TMEM108: variants seen among roughly 807,000 people sequenced by gnomAD.
TMEM108 encodes the protein cancer/testis antigen 124.
In TMEM108, 12 loss-of-function variants were observed where a neutral mutation model predicts 35.1. The ratio of observed to expected loss-of-function variants is 0.34; its 90% CI spans 0.22 to 0.55. The LOEUF is 0.55. Among genes scored for constraint, TMEM108 ranks in the 20% least tolerant of loss-of-function variants. TMEM108 has a pLI of 0.89. For missense variants in TMEM108, 680 were observed against 753.3 expected, an observed-to-expected ratio of 0.90 and a Z score of 1.14; for synonymous variants, 287 against 308.6, an observed-to-expected ratio of 0.93 and a Z score of 0.73.
At chr3:133,199,158 C>G (rs1476773596) in intron 2 of TMEM108, among the ~76,000 whole-genome samples, 3 of 152,178 alleles carry the variant, frequency 2.0e-5, no homozygotes, top group Non-Finnish European at 4.4e-5. Flanking sequence ...AAGGACTTCT[C>G]TGCATTGGTT....
At chr3:133,244,484 T>A (rs144083817) in intron 3 of TMEM108, among the ~76,000 whole-genome samples, 3 of 152,318 alleles carry the variant, frequency 2.0e-5, no homozygotes, top group Non-Finnish European at 2.9e-5. Flanking sequence ...GGGCTGATTG[T>A]TAAACATTTG....
intron 2 of TMEM108, among the ~76,000 whole-genome samples, chr3:133,200,326 G>A (rs1945644266): frequency 6.6e-6 from 1 of 152,156 alleles, no homozygotes; most frequent in South Asian, 2.1e-4. Flanking sequence ...ATCTCAGTTG[G>A]AAATGCGGAA....
intron 2 of TMEM108, among the ~76,000 whole-genome samples, chr3:133,117,151 T>C (rs2107730299): frequency 6.6e-6 from 1 of 152,342 alleles, no homozygotes; most frequent in Non-Finnish European, 1.5e-5. Flanking sequence ...GACCATTTCA[T>C]AGGCTGATAG....
chr3:133,131,653 A>G (rs1944492065), intron 2 of TMEM108, among the ~76,000 whole-genome samples: 2 of 151,510 alleles, frequency 1.3e-5, no homozygotes, highest in Non-Finnish European at 2.9e-5. Flanking sequence ...AGACACAACA[A>G]TATTAAATTC....
At chr3:133,047,390 G>A (rs1943353422) in intron 2 of TMEM108, among the ~76,000 whole-genome samples, 2 of 152,234 alleles carry the variant, frequency 1.3e-5, no homozygotes, top group Non-Finnish European at 2.9e-5. Context: ...GTATGTTGCT[G>A]TGTAAATACT....
chr3:133,156,069 T>TTTATTTAC lies in TMEM108; in HGVS notation c.-46-73190_-46-73189insCTTATTTA, dbSNP rs1371731981. On this transcript the variant is annotated intron_variant, in intron 2 of 5. Transcript: ENST00000321871. ...AATCTTGTTTTTATTTTTTCTTTTA[T>TTTATTTAC]TTATTTATTTATTTATTTATTCTTT... Among the ~76,000 whole-genome samples the TTTATTTAC allele has an allele frequency of 6.9e-4, 104 of 150,456 alleles. 1 individual carries two copies. The highest frequency in any genetic ancestry group is 2.4e-3 in the African/African-American group (100 of 41,068).
At chr3:133,253,421 C>T (rs1182266866) in intron 3 of TMEM108, 1 of 152,064 alleles carries the variant, frequency 6.6e-6, no homozygotes, top group African/African-American at 2.4e-5. Context: ...GTCTCTGATT[C>T]TAGAATTCTT....
At chr3:133,297,281 T>TTTC (rs1288996397) in intron 3 of TMEM108, among the ~76,000 whole-genome samples, 4 of 151,736 alleles carry the variant, frequency 2.6e-5, no homozygotes, top group African/African-American at 9.7e-5. Flanking sequence ...GCATGTTTAT[T>TTTC]AGCAAAAATA....
chr3:133,154,780 G>A lies in TMEM108; in HGVS notation c.-46-74486G>A, dbSNP rs987078332. 4.6e-5 allele frequency among the ~76,000 whole-genome samples: 7 copies of A among 152,212 alleles called. No homozygotes were observed. In the South Asian group the frequency reaches 1.2e-3, roughly 27 times the overall value. ...AATGCTAAATGAAGAGTTAATGGGT[G>A]TAGCACACCAACATGGCACATGTAT... On this transcript the variant is annotated intron_variant, in intron 2 of 5. Transcript: ENST00000321871.
chr3:133,292,167 GTTT>G (rs57552472), intron 3 of TMEM108, among the ~76,000 whole-genome samples: 80,264 of 151,664 alleles, frequency 0.53, 22,140 homozygotes, highest in East Asian at 0.86. Flanking sequence ...AGAAGAGAAT[GTTT>G]TTTTTATACA....
intron 2 of TMEM108, among the ~76,000 whole-genome samples, chr3:133,214,482 C>T (rs557246743): frequency 6.6e-6 from 1 of 151,072 alleles, no homozygotes; most frequent in South Asian, 2.1e-4. Context: ...CTCTCAGGCA[C>T]GTTGGCCACC....
chr3:133,309,627 C>T (rs921296416), intron 3 of TMEM108, among the ~76,000 whole-genome samples: 7 of 145,724 alleles, frequency 4.8e-5, no homozygotes, highest in African/African-American at 1.3e-4. Flanking sequence ...ACCCAGTAGT[C>T]ATTCAGGAGC....
chr3:133,121,296 A>G (rs76211022), intron 2 of TMEM108, among the ~76,000 whole-genome samples: 3 of 152,244 alleles, frequency 2.0e-5, no homozygotes, highest in Non-Finnish European at 2.9e-5. Flanking sequence ...AACATGTTTC[A>G]TAGCCAGTCC....
rs1055253196 is a variant in TMEM108, at chr3:133,214,910, G to A, written c.-46-14356G>A. On this transcript the variant is annotated intron_variant, in intron 2 of 5. Transcript: ENST00000321871. ...TCTAATGCCAGATGATCTGAGGTGGGACAGTTTCATCCCAAAACCATGTCC... is the reference window on the plus strand; with the variant it reads ...TCTAATGCCAGATGATCTGAGGTGGAACAGTTTCATCCCAAAACCATGTCC... Among the ~76,000 whole-genome samples, 33 of 152,068 alleles carry A rather than the reference G, an allele frequency of 2.2e-4. 1 individual carries two copies. The highest frequency in any genetic ancestry group is 4.4e-5 in the Non-Finnish European group (3 of 68,012).
chr3:133,310,708 T>C (rs1015809910), intron 3 of TMEM108, among the ~76,000 whole-genome samples: 3 of 151,986 alleles, frequency 2.0e-5, no homozygotes, highest in African/African-American at 4.8e-5. Context: ...AATTGGGGCA[T>C]TTAGTCCATT....
intron 3 of TMEM108, among the ~76,000 whole-genome samples, chr3:133,239,312 G>A (rs957067117): frequency 1.3e-5 from 2 of 152,118 alleles, no homozygotes; most frequent in Non-Finnish European, 2.9e-5. Context: ...TTGGCCTTAT[G>A]GATATTGGAG....
chr3:133,281,767 T>C (rs112760649), intron 3 of TMEM108, among the ~76,000 whole-genome samples: 128 of 152,318 alleles, frequency 8.4e-4, no homozygotes, highest in African/African-American at 3.1e-3. Context: ...CCTTCTCTAC[T>C]GCGTAAGAGG....
At chr3:133,042,740 T>C (rs560170275) in intron 1 of TMEM108, among the ~76,000 whole-genome samples, 7 of 152,198 alleles carry the variant, frequency 4.6e-5, no homozygotes, top group South Asian at 2.1e-4. Context: ...CAGTTCAGAG[T>C]TGAGTTTCTT....
chr3:133,350,080 T>C (rs530268475), intron 3 of TMEM108, among the ~76,000 whole-genome samples: 47 of 152,246 alleles, frequency 3.1e-4, no homozygotes, highest in African/African-American at 1.1e-3. Context: ...CACAATGGAA[T>C]ACTATTCAGC....
Sources: allele counts gnomAD v4.1 joint callset (sites outside exome capture counted in the v4.1 genomes callset), GRCh38; gene constraint gnomAD v4.1.1; transcripts MANE v1.5; gene names NCBI Gene and HGNC (gene_info 2026-07-23, HGNC 2026-07-21).